PDE4D: variants seen among roughly 807,000 people sequenced by gnomAD.
PDE4D encodes phosphodiesterase 4D.
Under a neutral mutation model 87.4 loss-of-function variants are expected in PDE4D, and 24 were observed. That is an observed-to-expected ratio of 0.27 (90% CI 0.20 to 0.39). PDE4D has a LOEUF of 0.39. Ranked by LOEUF, PDE4D falls within the 10% of genes least tolerant of loss-of-function variation. The pLI, the probability that PDE4D is intolerant of heterozygous loss-of-function variation, is 1.00. For missense variants in PDE4D, 714 were observed against 1,041.0 expected (o/e 0.69, Z 4.32); for synonymous variants, 384 against 383.2 (o/e 1.00, Z -0.02).
At chr5:59,050,102 A>C (rs1030995247) in intron 5 of PDE4D, among the ~76,000 whole-genome samples, 4 of 152,048 alleles carry the variant, frequency 2.6e-5, no homozygotes, top group Admixed American at 2.6e-4. Context: ...ATCTCTACTA[A>C]AGAAAATACA....
intron 1 of PDE4D, among the ~76,000 whole-genome samples, chr5:60,365,479 T>C (rs1583536876): frequency 6.6e-6 from 1 of 152,310 alleles, no homozygotes; most frequent in East Asian, 1.9e-4. Flanking sequence ...TTTAAATCTC[T>C]CTCTGCATCA....
At chr5:59,137,473 A>T (rs994556319) in intron 5 of PDE4D, among the ~76,000 whole-genome samples, 13 of 151,950 alleles carry the variant, frequency 8.6e-5, no homozygotes, top group Non-Finnish European at 1.6e-4. Context: ...TGGAAATGGT[A>T]TCTATGAAAT....
At chr5:59,377,871 G>A (rs1397438862) in intron 1 of PDE4D, among the ~76,000 whole-genome samples, 1 of 152,132 alleles carries the variant, frequency 6.6e-6, no homozygotes, top group African/African-American at 2.4e-5. Flanking sequence ...AGACAGTGTG[G>A]CAATTCCTCA....
intron 1 of PDE4D, among the ~76,000 whole-genome samples, chr5:59,765,969 A>G (rs1000512881): frequency 6.6e-6 from 1 of 152,238 alleles, no homozygotes; most frequent in Non-Finnish European, 1.5e-5. Flanking sequence ...CTCAGTAGGT[A>G]TTAAGTGTAT....
intron 5 of PDE4D, among the ~76,000 whole-genome samples, chr5:59,097,120 T>C (rs1008181524): frequency 6.6e-5 from 10 of 152,200 alleles, no homozygotes; most frequent in Admixed American, 5.2e-4. Flanking sequence ...TGAAAGTTTA[T>C]ATGGAATTGG....
At chr5:60,484,104 A>G (rs1409253415) in intron 1 of PDE4D, among the ~76,000 whole-genome samples, 1 of 152,140 alleles carries the variant, frequency 6.6e-6, no homozygotes, top group East Asian at 1.9e-4. Flanking sequence ...CTGAGATGAA[A>G]AGACTACTAG....
At chr5:59,497,031 C>G (rs537568891) in intron 1 of PDE4D, among the ~76,000 whole-genome samples, 1 of 152,136 alleles carries the variant, frequency 6.6e-6, no homozygotes, top group African/African-American at 2.4e-5. Flanking sequence ...CAAGAAGCAA[C>G]GTCTCAGCCA....
chr5:59,803,729 T>G (rs538278873), intron 1 of PDE4D, among the ~76,000 whole-genome samples: 1 of 152,210 alleles, frequency 6.6e-6, no homozygotes, highest in Non-Finnish European at 1.5e-5. Flanking sequence ...TTGGCCATTT[T>G]ATCATCAACA....
At chr5:59,816,485 A>G (rs1172437139) in intron 1 of PDE4D, among the ~76,000 whole-genome samples, 1 of 152,240 alleles carries the variant, frequency 6.6e-6, no homozygotes, top group Non-Finnish European at 1.5e-5. Flanking sequence ...CTTGTATCTT[A>G]TATTATCCAG....
chr5:59,066,678 G>T (rs982707536), intron 5 of PDE4D, among the ~76,000 whole-genome samples: 2 of 152,130 alleles, frequency 1.3e-5, no homozygotes, highest in Non-Finnish European at 2.9e-5. Flanking sequence ...CTGAATGTTT[G>T]TGTCCCTCCC....
At chr5:59,752,937 C>A (rs188402712) in intron 1 of PDE4D, among the ~76,000 whole-genome samples, 2 of 152,240 alleles carry the variant, frequency 1.3e-5, no homozygotes, top group African/African-American at 4.8e-5. Flanking sequence ...CGGCAAATTA[C>A]GGCCAGTGGG....
intron 1 of PDE4D, among the ~76,000 whole-genome samples, chr5:59,764,199 A>G (rs1216002035): frequency 6.6e-6 from 1 of 152,170 alleles, no homozygotes; most frequent in Non-Finnish European, 1.5e-5. Context: ...GTAATCATCT[A>G]GAAATTTAAA....
At position 59,848,920 on chromosome 5, in the gene PDE4D, C is replaced by G. The variant is rs369163993; in HGVS notation, c.455+44248G>C. ...TTCGTTGACTGAGGTGGTGACATGA[C>G]AACAGGAATATGAACTCCATGGGTG... On this transcript the variant is annotated intron_variant, in intron 1 of 14. Transcript: ENST00000340635. 1.3e-3 allele frequency among the ~76,000 whole-genome samples: 199 copies of G among 151,798 alleles called. 1 individual carries two copies. Among genetic ancestry groups the G allele is most frequent in the African/African-American group, 4.0e-3 (168 of 41,500 alleles).
intron 1 of PDE4D, among the ~76,000 whole-genome samples, chr5:59,553,135 T>C (rs1390979644): frequency 6.6e-6 from 1 of 152,158 alleles, no homozygotes; most frequent in African/African-American, 2.4e-5. Context: ...TGGAAATATA[T>C]ATATTTTTGC....
chr5:59,585,128 C>T (rs137998791), intron 1 of PDE4D, among the ~76,000 whole-genome samples: 2 of 152,148 alleles, frequency 1.3e-5, no homozygotes, highest in African/African-American at 2.4e-5. Context: ...GATAGTAGCT[C>T]TGGTCAGCAA....
At chr5:60,405,954 G>C (rs1016290149) in intron 1 of PDE4D, among the ~76,000 whole-genome samples, 2 of 151,960 alleles carry the variant, frequency 1.3e-5, no homozygotes, top group Non-Finnish European at 2.9e-5. Context: ...ACACCCACAG[G>C]GGTTCCTTAT....
intron 1 of PDE4D, among the ~76,000 whole-genome samples, chr5:59,247,149 T>C (rs146445035): frequency 9.9e-4 from 150 of 152,268 alleles, no homozygotes; most frequent in African/African-American, 3.3e-3. Flanking sequence ...TAAATGCCTC[T>C]GCCATGAAAC....
intron 5 of PDE4D, chr5:59,166,156 T>G (rs950247471): frequency 2.0e-5 from 3 of 152,154 alleles, no homozygotes; most frequent in Admixed American, 1.3e-4. Flanking sequence ...CACCATTTTC[T>G]AAGGGGAGGT....
intron 1 of PDE4D, among the ~76,000 whole-genome samples, chr5:60,451,546 G>A (rs184607325): frequency 6.6e-6 from 1 of 151,998 alleles, no homozygotes; most frequent in Non-Finnish European, 1.5e-5. Context: ...CCTTTAGGAC[G>A]TCATAATAGA....
Sources: gnomAD v4.1 joint callset for allele counts (sites outside exome capture counted in the v4.1 genomes callset) on GRCh38, gnomAD v4.1.1 for gene constraint, MANE v1.5 for transcripts, NCBI Gene and HGNC (gene_info 2026-07-23, HGNC 2026-07-21) for gene names.